CFAP299: variants seen among roughly 807,000 people sequenced by gnomAD.
The protein encoded by CFAP299 is cilia- and flagella-associated protein 299.
In CFAP299, 21 loss-of-function variants were observed where a neutral mutation model predicts 27.0. The observed-to-expected ratio is 0.78, with a 90% CI of 0.55 to 1.12. CFAP299 has a LOEUF of 1.12. CFAP299 is among the 50% of genes most tolerant of loss of function. CFAP299 has a pLI of 0.00. For synonymous variants in CFAP299, 104 were observed against 98.1 expected (o/e 1.06, Z -0.36); for missense variants, 310 against 276.6 (o/e 1.12, Z -0.86).
chr4:80,528,280 C>T (rs552170280), intron 2 of CFAP299, among the ~76,000 whole-genome samples: 116 of 151,950 alleles, frequency 7.6e-4, no homozygotes, highest in Middle Eastern at 3.4e-3. Context: ...TTCTATTTAC[C>T]GAATATTTCC....
intron 2 of CFAP299, among the ~76,000 whole-genome samples, chr4:80,554,273 A>G (rs72863113): frequency 6.6e-6 from 1 of 151,996 alleles, no homozygotes; most frequent in South Asian, 2.1e-4. Flanking sequence ...TATTTTTGTC[A>G]GGTTTTCCAA....
In CFAP299 at chr4:80,870,120, G is replaced by A; in HGVS notation, c.461G>A (p.Arg154Lys). ...YFTGKKRLLP[R>K]PTDISFYNWD... ...ACTGGAAAAAAAAGACTTCTTCCAAGGCCTACAGATATAAGGTAAATTACA... is the reference window on the plus strand; with the variant it reads ...ACTGGAAAAAAAAGACTTCTTCCAAAGCCTACAGATATAAGGTAAATTACA... Residue 154 changes from arginine (R) to lysine (K), a missense_variant, in exon 4 of 6, where the codon AGG becomes AAG. Coordinates refer to ENST00000358105, the MANE Select transcript of CFAP299 (RefSeq NM_152770.3). 3 of 1,609,738 alleles carry A rather than the reference G, an allele frequency of 1.9e-6. No homozygotes were observed. Among genetic ancestry groups the A allele is most frequent in the Non-Finnish European group, 2.5e-6 (3 of 1,178,600 alleles).
At chr4:80,827,016 A>C (rs1245951215) in intron 3 of CFAP299, among the ~76,000 whole-genome samples, 1 of 151,838 alleles carries the variant, frequency 6.6e-6, no homozygotes, top group Non-Finnish European at 1.5e-5. Context: ...GACAAATGAA[A>C]ATGAAAACAG....
chr4:80,417,942 G>T (rs11099226), intron 2 of CFAP299, among the ~76,000 whole-genome samples: 1 of 152,176 alleles, frequency 6.6e-6, no homozygotes, highest in Admixed American at 6.5e-5. Context: ...AGCAGACACA[G>T]CCTTCAGCAG....
At chr4:80,484,919 C>G (rs1355771724) in intron 2 of CFAP299, among the ~76,000 whole-genome samples, 1 of 152,026 alleles carries the variant, frequency 6.6e-6, no homozygotes, top group Admixed American at 6.6e-5. Context: ...TATAGAAAAA[C>G]CTCAGCTGTA....
At chr4:80,908,755 A>G (rs1735311986) in intron 4 of CFAP299, among the ~76,000 whole-genome samples, 2 of 152,324 alleles carry the variant, frequency 1.3e-5, no homozygotes, top group African/African-American at 4.8e-5. Flanking sequence ...GCTAAAGCAG[A>G]TTACAAGATT....
At chr4:80,873,143 G>A (rs1733194803) in intron 4 of CFAP299, 1 of 407,370 alleles carries the variant, frequency 2.5e-6, no homozygotes, top group Admixed American at 6.4e-5. Context: ...TGGTAGTTAG[G>A]CAGTTGTTAT....
At chr4:80,947,966 T>C (rs1191314531) in intron 5 of CFAP299, among the ~76,000 whole-genome samples, 1 of 152,160 alleles carries the variant, frequency 6.6e-6, no homozygotes, top group Non-Finnish European at 1.5e-5. Flanking sequence ...ATAGTCAATA[T>C]TTTTCTTAGC....
At chr4:80,602,407 A>G (rs1274291591) in intron 3 of CFAP299, among the ~76,000 whole-genome samples, 4 of 152,152 alleles carry the variant, frequency 2.6e-5, no homozygotes, top group African/African-American at 7.2e-5. Flanking sequence ...AAAAAAGTAT[A>G]TACATGGAAA....
At chr4:80,515,298 G>A (rs1175535588) in intron 2 of CFAP299, among the ~76,000 whole-genome samples, 5 of 152,104 alleles carry the variant, frequency 3.3e-5, no homozygotes, top group African/African-American at 7.2e-5. Flanking sequence ...AATGGTTCAG[G>A]TTGTTGTTGA....
chr4:80,635,798 G>A (rs1739443925), intron 3 of CFAP299, among the ~76,000 whole-genome samples: 1 of 152,020 alleles, frequency 6.6e-6, no homozygotes, highest in Non-Finnish European at 1.5e-5. Flanking sequence ...GTGGTAGCTG[G>A]CATTTATTTT....
intron 4 of CFAP299, among the ~76,000 whole-genome samples, chr4:80,923,483 C>T (rs1221231803): frequency 1.3e-5 from 2 of 152,034 alleles, no homozygotes; most frequent in African/African-American, 4.8e-5. Context: ...TATTCTCAAA[C>T]ATGAAAATGA....
intron 2 of CFAP299, among the ~76,000 whole-genome samples, chr4:80,399,023 G>C (rs913294146): frequency 2.2e-5 from 3 of 136,806 alleles, no homozygotes; most frequent in Non-Finnish European, 4.8e-5. Context: ...ATCAAAAAGT[G>C]GGTGAAAGAT....
intron 2 of CFAP299, among the ~76,000 whole-genome samples, chr4:80,471,604 G>T (rs1305060137): frequency 2.6e-5 from 3 of 115,982 alleles, no homozygotes; most frequent in Non-Finnish European, 3.5e-5. Flanking sequence ...AGGGGGGTTG[G>T]GGGGAGCAGG....
chr4:80,507,906 G>A (rs1732113169), intron 2 of CFAP299, among the ~76,000 whole-genome samples: 1 of 152,046 alleles, frequency 6.6e-6, no homozygotes, highest in African/African-American at 2.4e-5. Context: ...CACAATAACA[G>A]TTTTATCTTC....
At chr4:80,893,503 C>T (rs1330399346) in intron 4 of CFAP299, among the ~76,000 whole-genome samples, 1 of 151,756 alleles carries the variant, frequency 6.6e-6, no homozygotes, top group Non-Finnish European at 1.5e-5. Context: ...CAGTATGATG[C>T]TAGCATAAAA....
intron 4 of CFAP299, among the ~76,000 whole-genome samples, chr4:80,905,185 T>C (rs910796428): frequency 1.3e-5 from 2 of 152,238 alleles, no homozygotes; most frequent in Admixed American, 1.3e-4. Context: ...AAATGAATAC[T>C]CTTCTGCTGC....
chr4:80,763,731 C>T lies in CFAP299; in HGVS notation c.334-106262C>T, dbSNP rs1037700923. 9.2e-5 allele frequency among the ~76,000 whole-genome samples: 14 copies of T among 152,270 alleles called. No homozygotes were observed. In the East Asian group the frequency reaches 2.7e-3, roughly 29 times the overall value. ...TACTATAAGGCTGTAGTAACCAAAA[C>T]AGCATGGTACTGGTACCAAAACAGA... On this transcript the variant is annotated intron_variant, in intron 3 of 5. Transcript: ENST00000358105.
chr4:80,912,009 C>T (rs1342337856), intron 4 of CFAP299, among the ~76,000 whole-genome samples: 1 of 151,910 alleles, frequency 6.6e-6, no homozygotes, highest in African/African-American at 2.4e-5. Flanking sequence ...CCTCTGGGCA[C>T]TAAATCACTA....
Sources: allele counts gnomAD v4.1 joint callset (sites outside exome capture counted in the v4.1 genomes callset), GRCh38; gene constraint gnomAD v4.1.1; transcripts MANE v1.5; gene names NCBI Gene and HGNC (gene_info 2026-07-23, HGNC 2026-07-21).